The following ZDHHC4 variants were observed in gnomAD, a reference collection of about 807,000 sequenced individuals.
ZDHHC4 encodes the protein palmitoyltransferase ZDHHC4.
ZDHHC4 carries 42 observed loss-of-function variants against 36.7 expected under a neutral mutation model. The ratio of observed to expected loss-of-function variants is 1.14; its 90% CI spans 0.89 to 1.48. The LOEUF (loss-of-function observed/expected upper bound fraction) is 1.48. Among genes scored for constraint, ZDHHC4 ranks in the 40% most tolerant of loss-of-function variants. The pLI is 0.00. For missense variants in ZDHHC4, 457 were observed against 421.5 expected, an observed-to-expected ratio of 1.08 and a Z score of -0.74; for synonymous variants, 189 against 166.6, an observed-to-expected ratio of 1.13 and a Z score of -1.03.
At chr7:6,577,980 C>A (rs764684316) in intron 1 of ZDHHC4, among the ~76,000 whole-genome samples, 6 of 152,174 alleles carry the variant, frequency 3.9e-5, no homozygotes, top group Non-Finnish European at 7.3e-5. Flanking sequence ...CAGGCATGCG[C>A]CATCACGCCC....
chr7:6,578,866 TC>T (rs1330336932), intron 2 of ZDHHC4, 146 bp downstream of exon 2: 1 of 152,194 alleles, frequency 6.6e-6, no homozygotes, highest in African/African-American at 2.4e-5. Flanking sequence ...AGTGACCAGT[TC>T]CGGTATCTTT....
chr7:6,588,730 G>C lies in ZDHHC4; in HGVS notation c.855G>C (p.Gln285His), dbSNP rs762469870. Residue 285 changes from glutamine to histidine, a missense_variant, in exon 8 of 8, where the codon CAG (glutamine) becomes CAC (histidine). Gln to His is a conservative substitution (Grantham distance 24). Transcript: ENST00000335965. ...LFVLYLAATN[Q>H]TTNEWYRGDW... is the part of the protein sequence containing the mutation. The stretch of plus-strand genomic sequence containing the variant: ...TCCTGTATCTGGCGGCCACCAACCA[G>C]ACTACTAACGAGTGGTACAGAGGTG... 8 of 1,614,102 alleles carry C rather than the reference G, an allele frequency of 5.0e-6. No homozygotes were observed. The highest frequency in any genetic ancestry group is 6.8e-6 in the Non-Finnish European group (8 of 1,180,042).
chr7:6,578,936 C>T (rs1262862033), intron 2 of ZDHHC4, among the ~76,000 whole-genome samples: 1 of 152,106 alleles, frequency 6.6e-6, no homozygotes, highest in Admixed American at 6.6e-5. Flanking sequence ...CTCCTGTGCT[C>T]AAGCAATCCT....
intron 6 of ZDHHC4, 22 bp from the exon 7 acceptor site, chr7:6,584,994 G>T (rs201983980): frequency 6.2e-7 from 1 of 1,612,342 alleles, no homozygotes; most frequent in East Asian, 2.2e-5. Flanking sequence ...ATCCCAGCAC[G>T]TGCCCCCTTG....
chr7:6,588,901 A>G lies in ZDHHC4; in HGVS notation c.1026A>G (p.Lys342=). Reference sequence around the variant, plus strand: ...CCTTTCCATGTCATGAGAGGAAGAAACAAGAATGACAAGTGTATGACTGCC... The same window carrying G: ...CCTTTCCATGTCATGAGAGGAAGAAGCAAGAATGACAAGTGTATGACTGCC... The part of the protein sequence containing the change: ...LPAFPCHERK[K]QE Residue 342 remains lysine (K), a synonymous_variant, in exon 8 of 8, where the codon AAA becomes AAG. Transcript: ENST00000335965. 1 of 1,605,312 alleles carries G rather than the reference A, an allele frequency of 6.2e-7. No individual in the cohort carries two copies. Among genetic ancestry groups the G allele is most frequent in the Non-Finnish European group, 8.5e-7 (1 of 1,172,526 alleles).
intron 3 of ZDHHC4, 98 bp downstream of exon 3, chr7:6,580,776 G>C: frequency 1.7e-6 from 2 of 1,154,264 alleles, no homozygotes; most frequent in Non-Finnish European, 2.6e-6. Context: ...TGCCAGGCCG[G>C]GTGCAGTGCC....
rs1027391995 is a variant in ZDHHC4, at chr7:6,589,098, C to T, written c.*188C>T. Reference sequence around the variant, plus strand: ...TTGCTTGTCTTCTTTTGAAACCGGGCATCTCTGAAGTCCTGGTGTCAAGGG... The same window carrying T: ...TTGCTTGTCTTCTTTTGAAACCGGGTATCTCTGAAGTCCTGGTGTCAAGGG... On this transcript the variant is annotated 3_prime_UTR_variant, in exon 8 of 8. Coordinates refer to ENST00000335965, the MANE Select transcript of ZDHHC4 (RefSeq NM_001134389.2). 5.9e-6 allele frequency: 4 copies of T among 678,042 alleles called. No individual in the cohort carries two copies. Among genetic ancestry groups the T allele is most frequent in the African/African-American group, 1.8e-5 (1 of 55,418 alleles). 42.0% of individuals were successfully genotyped at this position (678,042 alleles called of 1,614,324 possible). A position where few individuals can be genotyped will look rare whatever the true frequency, so the allele number is the denominator to read the frequency against.
chr7:6,585,830 T>C (rs1229413208), intron 7 of ZDHHC4, among the ~76,000 whole-genome samples: 1 of 151,204 alleles, frequency 6.6e-6, no homozygotes, highest in East Asian at 1.9e-4. Flanking sequence ...AAACGTGAAG[T>C]TTTTCCTTTT....
At position 6,588,652 on chromosome 7, in the gene ZDHHC4, G is replaced by C; in HGVS notation, c.777G>C (p.Met259Ile). ...LFLTFPRIVF[M>I]LGFVVVLSFL... ...TGACTTTTCCACGGATTGTCTTCATGCTGGGCTTTGTCGTGGTTCTGAGCT... is the reference window on the plus strand; with the variant it reads ...TGACTTTTCCACGGATTGTCTTCATCCTGGGCTTTGTCGTGGTTCTGAGCT... The change falls in exon 8 of 8, where the codon ATG (methionine) becomes ATC (isoleucine). Residue 259 changes from methionine to isoleucine, a missense_variant. Physicochemically the swap from Met to Ile is conservative, Grantham distance 10. Coordinates refer to ENST00000335965, the MANE Select transcript of ZDHHC4 (RefSeq NM_001134389.2). 6.2e-7 allele frequency: 1 copy of C among 1,614,164 alleles called. No homozygotes were observed. Among genetic ancestry groups the C allele is most frequent in the Non-Finnish European group, 8.5e-7 (1 of 1,180,038 alleles).
rs1780498816 is a variant in ZDHHC4 at position 6,577,482 on chromosome 7, G to C, written c.-179G>C. 6.6e-6 allele frequency: 1 copy of C among 152,186 alleles called. No individual in the cohort carries two copies. Among genetic ancestry groups the C allele is most frequent in the South Asian group, 2.1e-4 (1 of 4,836 alleles). The allele number at this position is 152,186 out of a possible 1,614,324, so 9.4% of individuals were successfully genotyped here. On this transcript the variant is annotated 5_prime_UTR_variant, in exon 1 of 8. Transcript: ENST00000335965. ...CTCGTATCGCGCCCGGGAGGCGCCG[G>C]AGCCCAGCGGCTGGCGGTAAGGCCG...
chr7:6,584,854 G>A, intron 6 of ZDHHC4, 162 bp from the exon 7 acceptor site: 1 of 1,036,666 alleles, frequency 9.6e-7, no homozygotes, highest in Non-Finnish European at 1.4e-6. Context: ...GGTTGCTCCT[G>A]TACTGGACAC....
At chr7:6,578,175 T>G (rs561106093) in intron 1 of ZDHHC4, among the ~76,000 whole-genome samples, 3 of 152,144 alleles carry the variant, frequency 2.0e-5, no homozygotes, top group Admixed American at 2.0e-4. Flanking sequence ...TGGCCCAGGC[T>G]GGAAGGCAGT....
intron 7 of ZDHHC4, among the ~76,000 whole-genome samples, chr7:6,587,858 G>GATTTATTT (rs1357681317): frequency 5.9e-5 from 9 of 152,042 alleles, no homozygotes; most frequent in Non-Finnish European, 1.3e-4. Flanking sequence ...TGTTTCTATT[G>GATTTATTT]ATTTATTTAT....
intron 1 of ZDHHC4, among the ~76,000 whole-genome samples, chr7:6,578,035 G>A (rs952566945): frequency 2.0e-5 from 3 of 152,208 alleles, no homozygotes; most frequent in Admixed American, 2.0e-4. Context: ...TCACCATGTT[G>A]GTCAGGCTGG....
chr7:6,581,740 A>G (rs978988582), intron 4 of ZDHHC4, 60 bp downstream of exon 4: 1 of 1,371,142 alleles, frequency 7.3e-7, no homozygotes, highest in Admixed American at 2.0e-5. Context: ...TTAATTGTTG[A>G]GATCCTCTAG....
chr7:6,588,554 G>C, intron 7 of ZDHHC4, 63 bp from the exon 8 acceptor site: 1 of 1,563,042 alleles, frequency 6.4e-7, no homozygotes, highest in South Asian at 1.2e-5. Flanking sequence ...GGGTTGGCCA[G>C]TGTTCACTCT....
At chr7:6,579,996 C>T (rs981430257) in intron 2 of ZDHHC4, among the ~76,000 whole-genome samples, 7 of 151,954 alleles carry the variant, frequency 4.6e-5, no homozygotes, top group Non-Finnish European at 7.4e-5. Flanking sequence ...ATTAGCCAGG[C>T]ATGGGGTGCG....
Position 6,580,615 on chromosome 7 carries a change from T to C in ZDHHC4, c.54T>C (p.Leu18=), listed in dbSNP as rs376184166. ...ACCTGGCTTCGGTGCTGATGGGTCT[T>C]GTTCTTATCTGCGTCTGCTCGAAAA... ...LFYLASVLMG[L]VLICVCSKTH... Residue 18 remains leucine, a synonymous_variant, in exon 3 of 8, where the codon CTT becomes CTC. Coordinates refer to ENST00000335965, the MANE Select transcript of ZDHHC4 (RefSeq NM_001134389.2). The C allele has an allele frequency of 2.5e-6, 4 of 1,614,046 alleles. No homozygotes were observed. Among genetic ancestry groups the C allele is most frequent in the African/African-American group, 1.3e-5 (1 of 74,936 alleles).
rs1781148971 is a variant in ZDHHC4, at chr7:6,585,137, C to T, written c.618C>T (p.Ala206=). The change falls in exon 7 of 8, where the codon GCC becomes GCT. Residue 206 remains alanine, a synonymous_variant. Coordinates refer to ENST00000335965, the MANE Select transcript of ZDHHC4 (RefSeq NM_001134389.2). ...TCTTGACCTTGACGGCCTCGGCTGC[C>T]ACCGTCGCCATTGTGAGCACCACTT... The part of the protein sequence containing the change: ...IYVLTLTASA[A]TVAIVSTTFL... 2 of 1,614,172 alleles carry T rather than the reference C, an allele frequency of 1.2e-6. No homozygotes were observed. The highest frequency in any genetic ancestry group is 1.7e-6 in the Non-Finnish European group (2 of 1,180,042).
Sources: gnomAD v4.1 joint callset for allele counts (sites outside exome capture counted in the v4.1 genomes callset) on GRCh38, gnomAD v4.1.1 for gene constraint, MANE v1.5 for transcripts, NCBI Gene and HGNC (gene_info 2026-07-23, HGNC 2026-07-21) for gene names.